The following GNPNAT1 variants were observed in gnomAD, a reference collection of about 807,000 sequenced individuals.
The protein encoded by GNPNAT1 is glucosamine-phosphate N-acetyltransferase 1.
A neutral mutation model predicts 19.8 loss-of-function variants in GNPNAT1; 11 were observed. The observed-to-expected ratio is 0.56, with a 90% CI of 0.35 to 0.92. GNPNAT1 has a LOEUF of 0.92. Among genes scored for constraint, GNPNAT1 ranks in the 40% least tolerant of loss-of-function variants. The probability of loss-of-function intolerance (pLI) is 0.01; values close to 1 mark genes in which losing one functional copy is unlikely to be tolerated. For synonymous variants in GNPNAT1, 71 were observed against 72.3 expected (o/e 0.98, Z 0.09); for missense variants, 157 against 211.0 (o/e 0.74, Z 1.59).
At position 52,791,290 on chromosome 14, in the gene GNPNAT1, C is replaced by A; in HGVS notation, c.-15+138G>T. Reference sequence around the variant, plus strand: ...GCACCCAGCTGGCGAGGATTAACGCCCAGCTCCTCCACACAACACCCCCGG... The same window carrying A: ...GCACCCAGCTGGCGAGGATTAACGCACAGCTCCTCCACACAACACCCCCGG... On this transcript the variant is annotated intron_variant, in intron 1 of 5. Coordinates refer to ENST00000216410, the MANE Select transcript of GNPNAT1 (RefSeq NM_198066.4). This position sits in a 1 kb window ranked among gnomAD's most constrained non-coding sequence, Gnocchi z 4.1. 1 of 152,240 alleles carries A rather than the reference C, an allele frequency of 6.6e-6. No individual in the cohort carries two copies. 9.4% of individuals were successfully genotyped at this position (152,240 alleles called of 1,614,324 possible). A position where few individuals can be genotyped will look rare whatever the true frequency, so the allele number is the denominator to read the frequency against.
intron 5 of GNPNAT1, among the ~76,000 whole-genome samples, chr14:52,779,733 A>AAC (rs1443465858): frequency 1.3e-5 from 2 of 149,694 alleles, no homozygotes; most frequent in South Asian, 2.1e-4. Context: ...TTAAAAAAAA[A>AAC]AAAAAAAAAA....
intron 4 of GNPNAT1, among the ~76,000 whole-genome samples, chr14:52,781,406 A>G (rs569937814): frequency 6.6e-6 from 1 of 152,238 alleles, no homozygotes; most frequent in East Asian, 1.9e-4. Flanking sequence ...TTGAGGGATG[A>G]AAGGGCACTA....
At chr14:52,780,882 A>G (rs1480515304) in intron 4 of GNPNAT1, 142 bp from the exon 5 acceptor site, 1 of 551,344 alleles carries the variant, frequency 1.8e-6, no homozygotes, top group East Asian at 2.9e-5. Context: ...AATATTATAC[A>G]GTGAAGGCTG....
chr14:52,787,170 T>C (rs1883042263), intron 1 of GNPNAT1, among the ~76,000 whole-genome samples: 1 of 152,066 alleles, frequency 6.6e-6, no homozygotes, highest in Non-Finnish European at 1.5e-5. Context: ...TATTTCTATA[T>C]CCAGTTAAAG....
At chr14:52,786,779 A>G (rs1883029333) in intron 1 of GNPNAT1, among the ~76,000 whole-genome samples, 1 of 151,874 alleles carries the variant, frequency 6.6e-6, no homozygotes, top group Non-Finnish European at 1.5e-5. Context: ...TGCTAAAAGA[A>G]ACAGATGCTT....
At chr14:52,789,262 T>G (rs1203313206) in intron 1 of GNPNAT1, among the ~76,000 whole-genome samples, 1 of 152,212 alleles carries the variant, frequency 6.6e-6, no homozygotes, top group East Asian at 1.9e-4. Context: ...TACCACAGAT[T>G]ACGTAGCCAG....
chr14:52,783,223 A>G (rs1183364640), intron 3 of GNPNAT1, among the ~76,000 whole-genome samples, 200 bp downstream of exon 3: 2 of 152,140 alleles, frequency 1.3e-5, no homozygotes, highest in Admixed American at 6.5e-5. Flanking sequence ...GTAGTCAGAT[A>G]GTTTGCAAAA....
rs1474916870 is a variant in GNPNAT1, at chr14:52,778,253, T to C, written c.*58A>G. ...GGCTGCAGCAACAAAATATTTCAAC[T>C]CTAGGAAGAGTGTAGCCTTGTAGCA... On this transcript the variant is annotated 3_prime_UTR_variant, in exon 6 of 6. Transcript: ENST00000216410. The C allele has an allele frequency of 1.5e-6, 2 of 1,340,416 alleles. No individual in the cohort carries two copies. Among genetic ancestry groups the C allele is most frequent in the East Asian group, 4.9e-5 (2 of 40,600 alleles). The allele number at this position is 1,340,416 out of a possible 1,614,324, so 83.0% of individuals were successfully genotyped here.
chr14:52,775,599 A>G lies in GNPNAT1; in HGVS notation c.*2712T>C, dbSNP rs1289038176. 1 of 152,226 alleles carries G rather than the reference A, an allele frequency of 6.6e-6. No homozygotes were observed. The allele number at this position is 152,226 out of a possible 1,614,324, so 9.4% of individuals were successfully genotyped here. ...ACCTTTTCACAAGCAAATAGTGGCC[A>G]AAGATGTGAACGGCCAGACACGGTA... On this transcript the variant is annotated 3_prime_UTR_variant, in exon 6 of 6. Coordinates refer to ENST00000216410, the MANE Select transcript of GNPNAT1 (RefSeq NM_198066.4).
chr14:52,778,108 T>C lies in GNPNAT1; in HGVS notation c.*203A>G. On this transcript the variant is annotated 3_prime_UTR_variant, in exon 6 of 6. Coordinates refer to ENST00000216410, the MANE Select transcript of GNPNAT1 (RefSeq NM_198066.4). ...CTTTGGTTAAAAATCATCCCCTTTATAATATTCATTTGTAATCTAAATTCA... is the reference window on the plus strand; with the variant it reads ...CTTTGGTTAAAAATCATCCCCTTTACAATATTCATTTGTAATCTAAATTCA... 1 of 362,910 alleles carries C rather than the reference T, an allele frequency of 2.8e-6. No homozygotes were observed. Among genetic ancestry groups the C allele is most frequent in the African/African-American group, 2.1e-5 (1 of 47,462 alleles). 22.5% of individuals were successfully genotyped at this position (362,910 alleles called of 1,614,324 possible).
chr14:52,783,664 AT>A (rs1882946686), intron 2 of GNPNAT1, among the ~76,000 whole-genome samples, 179 bp from the exon 3 acceptor site: 1 of 152,146 alleles, frequency 6.6e-6, no homozygotes, highest in African/African-American at 2.4e-5. Flanking sequence ...TATAACAAAA[AT>A]AACAGGTTTT....
chr14:52,791,021 G>A lies in GNPNAT1; in HGVS notation c.-15+407C>T, dbSNP rs1201573296. Among the ~76,000 whole-genome samples the A allele has an allele frequency of 6.6e-6, 1 of 152,114 alleles. No individual in the cohort carries two copies. Among genetic ancestry groups the A allele is most frequent in the Non-Finnish European group, 1.5e-5 (1 of 68,024 alleles). On this transcript the variant is annotated intron_variant, in intron 1 of 5. Coordinates refer to ENST00000216410, the MANE Select transcript of GNPNAT1 (RefSeq NM_198066.4). The surrounding 1 kb of genome is among the most constrained non-coding windows in gnomAD (Gnocchi z 4.1). ...GCTCCGACCACCGTGGGATGCGCCC[G>A]GGAATGGGAGAAGAGAAGGGGCCTG...
chr14:52,777,986 A>G lies in GNPNAT1; in HGVS notation c.*325T>C, dbSNP rs1459653086. On this transcript the variant is annotated 3_prime_UTR_variant, in exon 6 of 6. Transcript: ENST00000216410. The stretch of plus-strand genomic sequence containing the variant: ...AATGAGCAACACAGATAGCAGACAT[A>G]TAACTCCTTATTACCCATACTCTTG... 5.9e-6 allele frequency: 1 copy of G among 168,460 alleles called. No individual in the cohort carries two copies. Among genetic ancestry groups the G allele is most frequent in the African/African-American group, 2.4e-5 (1 of 42,024 alleles). 10.4% of individuals were successfully genotyped at this position (168,460 alleles called of 1,614,324 possible). A position where few individuals can be genotyped will look rare whatever the true frequency, so the allele number is the denominator to read the frequency against.
At chr14:52,784,415 T>C in intron 2 of GNPNAT1, 82 bp downstream of exon 2, 1 of 1,184,364 alleles carries the variant, frequency 8.4e-7, no homozygotes, top group Non-Finnish European at 1.1e-6. Context: ...AAGTCAAATA[T>C]TTAAAAAAAA....
chr14:52,788,906 G>A (rs1432130992), intron 1 of GNPNAT1, among the ~76,000 whole-genome samples: 1 of 152,126 alleles, frequency 6.6e-6, no homozygotes, highest in African/African-American at 2.4e-5. Context: ...ATATTTTCTT[G>A]TACTTTTCTT....
At position 52,784,644 on chromosome 14, in the gene GNPNAT1, G is replaced by A. The variant is rs1882970388; in HGVS notation, c.7C>T (p.Pro3Ser). 6.5e-7 allele frequency: 1 copy of A among 1,538,152 alleles called. No homozygotes were observed. The highest frequency in any genetic ancestry group is 8.8e-7 in the Non-Finnish European group (1 of 1,138,152). Reference protein sequence around the residue: MKPDETPMFDPSL... With the variant: MKSDETPMFDPSL... ...GGGTCAAACATAGGAGTTTCATCAGGTTTCATTTTTCTAGTAAGGTCTAAA... is the reference window on the plus strand; with the variant it reads ...GGGTCAAACATAGGAGTTTCATCAGATTTCATTTTTCTAGTAAGGTCTAAA... The change falls in exon 2 of 6, where the codon CCT becomes TCT. Residue 3 changes from proline (P) to serine (S), a missense_variant. Coordinates refer to ENST00000216410, the MANE Select transcript of GNPNAT1 (RefSeq NM_198066.4).
chr14:52,787,185 C>T (rs968029127), intron 1 of GNPNAT1, among the ~76,000 whole-genome samples: 1 of 151,902 alleles, frequency 6.6e-6, no homozygotes, highest in Admixed American at 6.6e-5. Flanking sequence ...TTAAAGAAAC[C>T]ATATTTTAAT....
intron 1 of GNPNAT1, among the ~76,000 whole-genome samples, chr14:52,787,573 A>C (rs1224361514): frequency 6.6e-6 from 1 of 152,132 alleles, no homozygotes; most frequent in Non-Finnish European, 1.5e-5. Flanking sequence ...AAACCTAGGC[A>C]TAGAAAGAGC....
rs1882777097 is a variant in GNPNAT1, at chr14:52,777,930, A to T, written c.*381T>A. On this transcript the variant is annotated 3_prime_UTR_variant, in exon 6 of 6. Coordinates refer to ENST00000216410, the MANE Select transcript of GNPNAT1 (RefSeq NM_198066.4). Reference sequence around the variant, plus strand: ...AAATATTTAATTTTATGCATGTGATAAACAGCCTTATTCAATGTATACTTT... The same window carrying T: ...AAATATTTAATTTTATGCATGTGATTAACAGCCTTATTCAATGTATACTTT... 1 of 154,168 alleles carries T rather than the reference A, an allele frequency of 6.5e-6. No homozygotes were observed. The highest frequency in any genetic ancestry group is 6.5e-5 in the Admixed American group (1 of 15,318). The allele number at this position is 154,168 out of a possible 1,614,324, so 9.6% of individuals were successfully genotyped here.
Sources: gnomAD v4.1 joint callset for allele counts (sites outside exome capture counted in the v4.1 genomes callset) on GRCh38, gnomAD v4.1.1 for gene constraint, Gnocchi (gnomAD v3.1) non-coding constraint, MANE v1.5 for transcripts, NCBI Gene and HGNC (gene_info 2026-07-23, HGNC 2026-07-21) for gene names.